The following SDK1 variants were observed in gnomAD, a reference collection of about 807,000 sequenced individuals.
SDK1 encodes the protein protein sidekick-1.
In SDK1, 157 loss-of-function variants were observed where a neutral mutation model predicts 245.5. That is an observed-to-expected ratio of 0.64 (90% confidence interval 0.56 to 0.73). The LOEUF (loss-of-function observed/expected upper bound fraction) is 0.73. Among genes scored for constraint, SDK1 ranks in the 30% least tolerant of loss-of-function variants. The pLI, the probability that SDK1 is intolerant of heterozygous loss-of-function variation, is 0.00. For synonymous variants in SDK1, 1,647 were observed against 1,278.5 expected, an observed-to-expected ratio of 1.29 and a Z score of -6.15; for missense variants, 3,583 against 3,002.3, an observed-to-expected ratio of 1.19 and a Z score of -4.52.
At chr7:3,898,929 C>T (rs1781692155) in intron 5 of SDK1, among the ~76,000 whole-genome samples, 1 of 152,070 alleles carries the variant, frequency 6.6e-6, no homozygotes, top group African/African-American at 2.4e-5. Flanking sequence ...TATTTTTAGC[C>T]TAATTTGTAA....
chr7:4,041,303 G>C (rs1209645723), intron 17 of SDK1, among the ~76,000 whole-genome samples: 1 of 95,166 alleles, frequency 1.1e-5, no homozygotes, highest in Non-Finnish European at 2.0e-5. Flanking sequence ...TTTTTTTTTT[G>C]GAGTACTTTC....
At chr7:4,222,992 C>T (rs981312894) in intron 40 of SDK1, among the ~76,000 whole-genome samples, 4 of 151,846 alleles carry the variant, frequency 2.6e-5, no homozygotes, top group Non-Finnish European at 5.9e-5. Context: ...CTTAAGAAAC[C>T]ACTTCAGACA....
intron 14 of SDK1, among the ~76,000 whole-genome samples, chr7:4,000,202 G>A (rs1337371892): frequency 1.3e-5 from 2 of 152,236 alleles, no homozygotes; most frequent in African/African-American, 4.8e-5. Context: ...ACCGGTCTGG[G>A]AAGAGCATCT....
intron 4 of SDK1, among the ~76,000 whole-genome samples, chr7:3,663,793 T>G (rs1562640517): frequency 6.6e-6 from 1 of 152,154 alleles, no homozygotes; most frequent in Non-Finnish European, 1.5e-5. Context: ...TAAAAGGAAG[T>G]ATGGAAAGTA....
At chr7:3,660,324 A>G (rs1378513927) in intron 4 of SDK1, among the ~76,000 whole-genome samples, 1 of 152,114 alleles carries the variant, frequency 6.6e-6, no homozygotes, top group East Asian at 1.9e-4. Context: ...AGAGCTTTTC[A>G]CCTGATTCTA....
At chr7:4,029,935 A>G (rs1038542890) in intron 17 of SDK1, among the ~76,000 whole-genome samples, 9 of 152,178 alleles carry the variant, frequency 5.9e-5, no homozygotes, top group African/African-American at 2.2e-4. Flanking sequence ...TACAACAACC[A>G]CTAACGTGGC....
intron 17 of SDK1, among the ~76,000 whole-genome samples, chr7:4,030,608 T>C (rs994696021): frequency 2.4e-4 from 36 of 152,346 alleles, no homozygotes; most frequent in Middle Eastern, 3.4e-3. Flanking sequence ...GGGCTTTTCA[T>C]ACGCGCCTTG....
At chr7:3,575,302 C>A (rs925365265) in intron 1 of SDK1, among the ~76,000 whole-genome samples, 1 of 151,982 alleles carries the variant, frequency 6.6e-6, no homozygotes, top group East Asian at 1.9e-4. Flanking sequence ...TCTGGTGTCT[C>A]TTCTTGTAAG....
rs539704602 is a variant in SDK1, at chr7:3,319,029, A to G, written c.298+17145A>G. ...GGGGGTGGCCTGAGGAAGGACATTC[A>G]TGAGGGGGGAGTAGGTGGGGATGGG... is the stretch of plus-strand genomic sequence containing the variant. On this transcript the variant is annotated intron_variant, in intron 1 of 44. Coordinates refer to ENST00000404826, the MANE Select transcript of SDK1 (RefSeq NM_152744.4). Among the ~76,000 whole-genome samples, 5 of 151,986 alleles carry G rather than the reference A, an allele frequency of 3.3e-5. No individual in the cohort carries two copies. The South Asian group carries it at 6.3e-4, about 19-fold the overall frequency.
chr7:3,496,829 C>T (rs11975833), intron 1 of SDK1, among the ~76,000 whole-genome samples: 4 of 152,032 alleles, frequency 2.6e-5, no homozygotes, highest in Admixed American at 6.6e-5. Flanking sequence ...GCTAATTTCT[C>T]CTGCAGGCTA....
intron 5 of SDK1, among the ~76,000 whole-genome samples, chr7:3,941,065 C>T (rs200557285): frequency 7.9e-5 from 12 of 152,034 alleles, no homozygotes; most frequent in Admixed American, 7.9e-4. Flanking sequence ...CCCAGACCCC[C>T]GTCTGTCTCC....
chr7:3,334,091 T>C (rs1309009505), intron 1 of SDK1, among the ~76,000 whole-genome samples: 1 of 152,224 alleles, frequency 6.6e-6, no homozygotes, highest in East Asian at 1.9e-4. Flanking sequence ...GCATGGTTCA[T>C]GTTTATCATG....
At chr7:3,512,815 T>C (rs1310300882) in intron 1 of SDK1, among the ~76,000 whole-genome samples, 1 of 152,226 alleles carries the variant, frequency 6.6e-6, no homozygotes, top group Non-Finnish European at 1.5e-5. Context: ...ATCTGTTTTT[T>C]TTCCATTTAA....
chr7:4,122,864 A>G (rs1363133236), intron 25 of SDK1, among the ~76,000 whole-genome samples: 1 of 152,186 alleles, frequency 6.6e-6, no homozygotes, highest in African/African-American at 2.4e-5. Flanking sequence ...ATTCTTGAAA[A>G]CTTTGCAACT....
At chr7:3,873,961 G>A (rs1444466588) in intron 5 of SDK1, among the ~76,000 whole-genome samples, 2 of 151,978 alleles carry the variant, frequency 1.3e-5, no homozygotes, top group Admixed American at 6.6e-5. Context: ...TCATTGTTTT[G>A]TCTCTTTGTG....
chr7:3,765,171 G>C (rs1228074851), intron 4 of SDK1, among the ~76,000 whole-genome samples: 5 of 152,070 alleles, frequency 3.3e-5, no homozygotes, highest in Non-Finnish European at 7.4e-5. Flanking sequence ...GAATTATATA[G>C]TGTGTGGCTT....
intron 8 of SDK1, 67 bp downstream of exon 8, chr7:3,959,081 A>T: frequency 8.4e-7 from 1 of 1,187,518 alleles, no homozygotes; most frequent in East Asian, 2.3e-5. Flanking sequence ...CTTTTTCCAT[A>T]GCAGAATTGC....
intron 35 of SDK1, among the ~76,000 whole-genome samples, chr7:4,203,383 G>C (rs1784003407): frequency 1.3e-5 from 2 of 152,188 alleles, no homozygotes; most frequent in Admixed American, 1.3e-4. Context: ...CTCTGCGATG[G>C]CATCGTAGCC....
chr7:3,340,320 G>A (rs1191570644), intron 1 of SDK1, among the ~76,000 whole-genome samples: 2 of 152,108 alleles, frequency 1.3e-5, no homozygotes, highest in Admixed American at 6.5e-5. Context: ...TCTATGAAGT[G>A]CAATAACATT....
Sources: gnomAD v4.1 joint callset for allele counts (sites outside exome capture counted in the v4.1 genomes callset) on GRCh38, gnomAD v4.1.1 for gene constraint, MANE v1.5 for transcripts, NCBI Gene and HGNC (gene_info 2026-07-23, HGNC 2026-07-21) for gene names.